Variants in AXDND1 observed in about 807,000 individuals in gnomAD.
AXDND1 encodes axonemal dynein light chain domain containing 1.
Under a neutral mutation model 137.5 loss-of-function variants are expected in AXDND1, and 110 were observed. The ratio of observed to expected loss-of-function variants is 0.80; its 90% CI spans 0.69 to 0.94. AXDND1 has a LOEUF of 0.94. AXDND1 is among the 40% of genes least tolerant of loss of function. The pLI, the probability that AXDND1 is intolerant of heterozygous loss-of-function variation, is 0.00. For missense variants in AXDND1, 1,191 were observed against 1,169.8 expected (o/e 1.02, Z -0.26); for synonymous variants, 414 against 399.7 (o/e 1.04, Z -0.43).
intron 1 of AXDND1, 123 bp from the exon 2 acceptor site, chr1:179,366,281 C>T: frequency 2.5e-6 from 1 of 404,088 alleles, no homozygotes; most frequent in Non-Finnish European, 4.6e-6. Context: ...AACCCCAGAA[C>T]ATAGAGGTCG....
chr1:179,414,205 A>AGC (rs1654336497), intron 12 of AXDND1, among the ~76,000 whole-genome samples: 1 of 151,254 alleles, frequency 6.6e-6, no homozygotes, highest in South Asian at 2.1e-4. Flanking sequence ...ACAAAAAAAA[A>AGC]CCCAACGTAT....
At chr1:179,508,284 T>A (rs889623607) in intron 20 of AXDND1, among the ~76,000 whole-genome samples, 2 of 150,834 alleles carry the variant, frequency 1.3e-5, no homozygotes, top group African/African-American at 4.9e-5. Context: ...TGCAGTGAGC[T>A]ATGATGATGC....
At chr1:179,488,635 C>CTTTCTTTCTT (rs1558256401) in intron 18 of AXDND1, among the ~76,000 whole-genome samples, 2 of 26,160 alleles carry the variant, frequency 7.6e-5, no homozygotes, top group African/African-American at 2.9e-4. Flanking sequence ...TCTCTCTCTC[C>CTTTCTTTCTT]TTTCTTTCTT....
At chr1:179,414,195 AC>A (rs11290916) in intron 12 of AXDND1, among the ~76,000 whole-genome samples, 52,562 of 151,266 alleles carry the variant, frequency 0.35, 9,310 homozygotes, top group Middle Eastern at 0.44. Flanking sequence ...CAAGATAAAT[AC>A]AAAAAAAAAC....
At chr1:179,483,592 C>T (rs1330461556) in intron 18 of AXDND1, among the ~76,000 whole-genome samples, 5 of 152,166 alleles carry the variant, frequency 3.3e-5, no homozygotes, top group Non-Finnish European at 7.3e-5. Context: ...AAGAATATTC[C>T]AGCACTGTTG....
chr1:179,470,339 A>G (rs1663769391), intron 17 of AXDND1, among the ~76,000 whole-genome samples: 2 of 152,256 alleles, frequency 1.3e-5, no homozygotes, highest in South Asian at 2.1e-4. Context: ...AAGCTTGTCA[A>G]TTTTTACAAA....
At chr1:179,525,235 A>T (rs1670420172) in intron 21 of AXDND1, 99 bp from the exon 22 acceptor site, 1 of 1,197,732 alleles carries the variant, frequency 8.3e-7, no homozygotes. Flanking sequence ...TCACTAGCAC[A>T]GTACCCAGCT....
At chr1:179,458,337 A>G (rs887458337) in intron 16 of AXDND1, among the ~76,000 whole-genome samples, 1 of 152,142 alleles carries the variant, frequency 6.6e-6, no homozygotes, top group African/African-American at 2.4e-5. Context: ...ACTTTAAAGA[A>G]CATATAATTT....
At chr1:179,476,787 G>C (rs12139588) in intron 17 of AXDND1, among the ~76,000 whole-genome samples, 69,354 of 151,822 alleles carry the variant, frequency 0.46, 16,702 homozygotes, top group East Asian at 0.76. Context: ...AGATTTTCTC[G>C]TTATTTTGAC....
chr1:179,509,150 A>T, intron 20 of AXDND1, 146 bp from the exon 21 acceptor site: 2 of 542,782 alleles, frequency 3.7e-6, no homozygotes, highest in Non-Finnish European at 6.4e-6. Context: ...ATAGCCAGTC[A>T]CCACTGCACA....
chr1:179,373,929 T>C (rs1233290501), intron 4 of AXDND1, among the ~76,000 whole-genome samples: 1 of 152,206 alleles, frequency 6.6e-6, no homozygotes, highest in Non-Finnish European at 1.5e-5. Flanking sequence ...AAGGACTTCA[T>C]GTCTAAAACA....
At chr1:179,407,918 A>G (rs1383950222) in intron 11 of AXDND1, among the ~76,000 whole-genome samples, 38 of 152,220 alleles carry the variant, frequency 2.5e-4, no homozygotes, top group Admixed American at 2.5e-3. Flanking sequence ...TGTCCCATAT[A>G]TCCACATAAG....
chr1:179,481,433 G>A (rs572597299), intron 17 of AXDND1, among the ~76,000 whole-genome samples: 10 of 152,252 alleles, frequency 6.6e-5, no homozygotes, highest in Middle Eastern at 3.4e-3. Flanking sequence ...GAATAGTGCC[G>A]CAGTGAACAT....
chr1:179,509,390 G>T lies in AXDND1; in HGVS notation c.2483G>T (p.Arg828Leu). Residue 828 changes from arginine (R) to leucine (L), a missense_variant, in exon 21 of 26, where the codon CGG (arginine) becomes CTG (leucine). By Grantham distance (102) the Arg-to-Leu change is moderately radical. Transcript: ENST00000367618. ...TTATTGACATATGAAGAAATAGAGC[G>T]GCTACTTGAAGAGGTATTTGCCACA... Reference protein sequence around the residue: ...ITLLTYEEIERLLEEEAVKEF... With the variant: ...ITLLTYEEIELLLEEEAVKEF... 1 of 1,604,192 alleles carries T rather than the reference G, an allele frequency of 6.2e-7. No individual in the cohort carries two copies. Among genetic ancestry groups the T allele is most frequent in the African/African-American group, 1.3e-5 (1 of 74,738 alleles).
At chr1:179,374,523 C>T (rs1249004970) in intron 4 of AXDND1, among the ~76,000 whole-genome samples, 1 of 152,136 alleles carries the variant, frequency 6.6e-6, no homozygotes, top group African/African-American at 2.4e-5. Flanking sequence ...GACACATGCA[C>T]ACATATGTTT....
chr1:179,487,547 T>G (rs894959446), intron 18 of AXDND1, among the ~76,000 whole-genome samples: 1 of 148,452 alleles, frequency 6.7e-6, no homozygotes, highest in Non-Finnish European at 1.5e-5. Context: ...CAGATTAAAC[T>G]TGTGATTATA....
chr1:179,473,389 T>G (rs1001684365), intron 17 of AXDND1, among the ~76,000 whole-genome samples: 1 of 151,972 alleles, frequency 6.6e-6, no homozygotes, highest in Admixed American at 6.6e-5. Flanking sequence ...TCCCAGCTAC[T>G]TGGGAGGCTG....
At chr1:179,461,022 G>C (rs987230696) in intron 16 of AXDND1, among the ~76,000 whole-genome samples, 3 of 152,166 alleles carry the variant, frequency 2.0e-5, no homozygotes, top group South Asian at 2.1e-4. Flanking sequence ...TCTGATGGTA[G>C]TTTCTTTTGC....
intron 12 of AXDND1, 78 bp downstream of exon 12, chr1:179,411,344 T>A (rs987163872): frequency 3.2e-6 from 5 of 1,540,810 alleles, no homozygotes; most frequent in Non-Finnish European, 4.4e-6. Flanking sequence ...TTTGTTTTTT[T>A]TGTTTTGTTT....
Sources: gnomAD v4.1 joint callset for allele counts (sites outside exome capture counted in the v4.1 genomes callset) on GRCh38, gnomAD v4.1.1 for gene constraint, MANE v1.5 for transcripts, NCBI Gene and HGNC (gene_info 2026-07-23, HGNC 2026-07-21) for gene names.